The following PTPRM variants were observed in gnomAD, a reference collection of about 807,000 sequenced individuals.
The protein encoded by PTPRM is protein tyrosine phosphatase receptor type M.
A neutral mutation model predicts 186.7 loss-of-function variants in PTPRM; 47 were observed. The ratio of observed to expected loss-of-function variants is 0.25; its 90% CI spans 0.20 to 0.32. The LOEUF (loss-of-function observed/expected upper bound fraction) is 0.32, where lower values mean the gene tolerates loss of function less well. Ranked by LOEUF, PTPRM falls within the 10% of genes least tolerant of loss-of-function variation. The pLI is 1.00. For synonymous variants in PTPRM, 668 were observed against 674.9 expected (o/e 0.99, Z 0.16); for missense variants, 1,494 against 1,865.0 (o/e 0.80, Z 3.66).
intron 19 of PTPRM, among the ~76,000 whole-genome samples, chr18:8,288,643 G>C (rs1317074508): frequency 6.6e-6 from 1 of 152,162 alleles, no homozygotes; most frequent in Non-Finnish European, 1.5e-5. Flanking sequence ...CTGTTTCCAT[G>C]ACTATTTCCC....
chr18:7,715,029 C>G (rs1042753164), intron 1 of PTPRM, among the ~76,000 whole-genome samples: 1 of 152,158 alleles, frequency 6.6e-6, no homozygotes, highest in Admixed American at 6.5e-5. Flanking sequence ...CATCCTGATA[C>G]CAAAATCTGG....
At chr18:7,715,092 G>A (rs2040297632) in intron 1 of PTPRM, among the ~76,000 whole-genome samples, 1 of 152,074 alleles carries the variant, frequency 6.6e-6, no homozygotes, top group Admixed American at 6.5e-5. Context: ...GATGAACATC[G>A]ATGCGAAAAT....
chr18:7,661,531 C>A (rs2144387431), intron 1 of PTPRM, among the ~76,000 whole-genome samples: 1 of 152,304 alleles, frequency 6.6e-6, no homozygotes, highest in Middle Eastern at 3.4e-3. Flanking sequence ...TTGCCAATTT[C>A]CAGGCTAGTA....
chr18:8,166,668 T>C (rs1445252210), intron 14 of PTPRM, among the ~76,000 whole-genome samples: 1 of 152,236 alleles, frequency 6.6e-6, no homozygotes, highest in Non-Finnish European at 1.5e-5. Context: ...TAAGCCCTGC[T>C]GTAAGCTTTT....
intron 22 of PTPRM, among the ~76,000 whole-genome samples, chr18:8,343,076 G>T (rs777464414): frequency 2.6e-5 from 4 of 152,290 alleles, no homozygotes; most frequent in Non-Finnish European, 4.4e-5. Flanking sequence ...AGCAGAAAGA[G>T]TAATGTTATC....
At chr18:8,001,609 A>C (rs769658983) in intron 7 of PTPRM, among the ~76,000 whole-genome samples, 5 of 152,090 alleles carry the variant, frequency 3.3e-5, no homozygotes, top group Non-Finnish European at 7.4e-5. Context: ...ATTCTCAGGT[A>C]TGTATTCCAA....
chr18:7,920,382 C>T (rs1288962473), intron 4 of PTPRM, among the ~76,000 whole-genome samples: 1 of 151,896 alleles, frequency 6.6e-6, no homozygotes, highest in Non-Finnish European at 1.5e-5. Context: ...TACAATTAGG[C>T]TTATAAAACA....
chr18:7,933,948 CT>C (rs1375758961), intron 5 of PTPRM, among the ~76,000 whole-genome samples: 1 of 152,202 alleles, frequency 6.6e-6, no homozygotes, highest in African/African-American at 2.4e-5. Context: ...AATATATCAT[CT>C]TTCCTAAATC....
At chr18:8,279,126 G>T (rs550627870) in intron 19 of PTPRM, among the ~76,000 whole-genome samples, 1 of 152,086 alleles carries the variant, frequency 6.6e-6, no homozygotes, top group South Asian at 2.1e-4. Flanking sequence ...CTTTAGGAAG[G>T]TTGTGAGATC....
At chr18:7,673,926 G>A (rs773771887) in intron 1 of PTPRM, among the ~76,000 whole-genome samples, 17 of 152,276 alleles carry the variant, frequency 1.1e-4, no homozygotes, top group Non-Finnish European at 1.3e-4. Flanking sequence ...AAGTTGCAAG[G>A]CACTGGGTAG....
intron 2 of PTPRM, 160 bp from the exon 3 acceptor site, chr18:7,887,946 G>A (rs2048868647): frequency 1.2e-6 from 1 of 830,984 alleles, no homozygotes. Context: ...GATAGGAGGA[G>A]GAGGTGGTGA....
chr18:7,975,772 A>G (rs1212107377), intron 7 of PTPRM, among the ~76,000 whole-genome samples: 1 of 152,240 alleles, frequency 6.6e-6, no homozygotes, highest in East Asian at 1.9e-4. Flanking sequence ...GTGGACTACA[A>G]CATATACTCT....
intron 20 of PTPRM, among the ~76,000 whole-genome samples, chr18:8,302,401 A>G (rs533071688): frequency 6.6e-6 from 1 of 152,148 alleles, no homozygotes; most frequent in Non-Finnish European, 1.5e-5. Context: ...CAAGAGAAGG[A>G]GGGAGGTGGA....
chr18:7,756,871 A>G (rs1213667027), intron 1 of PTPRM, among the ~76,000 whole-genome samples: 3 of 152,122 alleles, frequency 2.0e-5, no homozygotes, highest in Non-Finnish European at 4.4e-5. Flanking sequence ...GCTGCTGTGC[A>G]TGGCCCTGTG....
intron 1 of PTPRM, among the ~76,000 whole-genome samples, chr18:7,608,058 C>T (rs775145365): frequency 1.3e-4 from 20 of 152,146 alleles, no homozygotes; most frequent in Non-Finnish European, 2.4e-4. Context: ...TTTCACTCCC[C>T]GGTCAGACAA....
chr18:8,396,218 A>G (rs2095844690), intron 32 of PTPRM, among the ~76,000 whole-genome samples: 1 of 152,244 alleles, frequency 6.6e-6, no homozygotes, highest in Non-Finnish European at 1.5e-5. Context: ...CTGTCGGCAG[A>G]GGCCTGAGTT....
chr18:8,387,889 TA>T (rs1256123476), intron 31 of PTPRM, among the ~76,000 whole-genome samples: 1 of 151,462 alleles, frequency 6.6e-6, no homozygotes, highest in African/African-American at 2.4e-5. Flanking sequence ...GCACCCCTGC[TA>T]CACATAGCCC....
chr18:8,161,472 G>A (rs12961323), intron 14 of PTPRM, among the ~76,000 whole-genome samples: 17,983 of 152,054 alleles, frequency 0.12, 1,199 homozygotes, highest in Non-Finnish European at 0.15. Context: ...CCAGCTTCAG[G>A]CAAGTATATT....
intron 13 of PTPRM, among the ~76,000 whole-genome samples, chr18:8,118,811 A>AAAATATATAT (rs372020679): frequency 7.8e-6 from 1 of 128,392 alleles, no homozygotes; most frequent in African/African-American, 2.9e-5. Context: ...AAAAAAAAAA[A>AAAATATATAT]ATATATATAT....
Sources: gnomAD v4.1 joint callset for allele counts (sites outside exome capture counted in the v4.1 genomes callset) on GRCh38, gnomAD v4.1.1 for gene constraint, MANE v1.5 for transcripts, NCBI Gene and HGNC (gene_info 2026-07-23, HGNC 2026-07-21) for gene names.